The following CHD7 variants were observed in gnomAD, a reference collection of about 807,000 sequenced individuals.
CHD7 encodes the protein ATP-dependent chromatin remodeler CHD7.
Under a neutral mutation model 307.3 loss-of-function variants are expected in CHD7, and 24 were observed. The ratio of observed to expected loss-of-function variants is 0.08; its 90% CI spans 0.06 to 0.11. The LOEUF is 0.11. CHD7 is among the 10% of genes least tolerant of loss of function. The pLI is 1.00. For synonymous variants in CHD7, 1,363 were observed against 1,349.9 expected (o/e 1.01, Z -0.21); for missense variants, 3,106 against 3,727.1 (o/e 0.83, Z 4.34).
At chr8:60,794,229 C>T (rs978485719) in intron 3 of CHD7, among the ~76,000 whole-genome samples, 7 of 152,066 alleles carry the variant, frequency 4.6e-5, no homozygotes, top group Admixed American at 1.3e-4. Flanking sequence ...AAATGTAAAA[C>T]ATTTTTTTCT....
At chr8:60,819,478 T>C (rs1803917962) in intron 8 of CHD7, among the ~76,000 whole-genome samples, 1 of 152,226 alleles carries the variant, frequency 6.6e-6, no homozygotes, top group African/African-American at 2.4e-5. Flanking sequence ...GAGGTACTAA[T>C]ATTGGTTGAC....
chr8:60,836,783 G>A (rs374038777), intron 16 of CHD7, 34 bp from the exon 17 acceptor site: 27 of 1,545,814 alleles, frequency 1.7e-5, no homozygotes, highest in Middle Eastern at 1.7e-4. Context: ...GTCGCTATGC[G>A]TCAGGCCTCC....
At chr8:60,840,621 G>GT (rs1473123074) in intron 19 of CHD7, among the ~76,000 whole-genome samples, 3 of 102,696 alleles carry the variant, frequency 2.9e-5, no homozygotes. Flanking sequence ...TAAAGAATAT[G>GT]TTTCTTTTTT....
rs1431078923 is a variant in CHD7 at position 60,845,260 on chromosome 8, T to C, written c.5061T>C (p.Ala1687=). 1 of 1,611,106 alleles carries C rather than the reference T, an allele frequency of 6.2e-7. No homozygotes were observed. The highest frequency in any genetic ancestry group is 8.5e-7 in the Non-Finnish European group (1 of 1,177,826). The change falls in exon 23 of 38, where the codon GCT becomes GCC. Residue 1687 remains alanine, a synonymous_variant. Transcript: ENST00000423902. ...RALVNHSGLS[A]PVPRGRKGKK... is the part of the protein sequence containing the mutation. The stretch of plus-strand genomic sequence containing the variant: ...TGATGGTGATTCTAGGTTTGTCAGC[T>C]CCTGTGCCAAGGGGAAGGAAGGGAA...
chr8:60,857,097 T>G (rs574261386), intron 34 of CHD7, among the ~76,000 whole-genome samples: 1 of 152,372 alleles, frequency 6.6e-6, no homozygotes, highest in Admixed American at 6.5e-5. Context: ...TGAGGATGTA[T>G]TCTTCCCAAG....
chr8:60,779,822 C>T (rs1183287621), intron 2 of CHD7, among the ~76,000 whole-genome samples: 1 of 152,180 alleles, frequency 6.6e-6, no homozygotes, highest in Non-Finnish European at 1.5e-5. Context: ...TGTCACTTAA[C>T]ATCTGTACCT....
intron 2 of CHD7, among the ~76,000 whole-genome samples, chr8:60,748,331 T>C (rs570024632): frequency 5.3e-5 from 8 of 152,194 alleles, no homozygotes; most frequent in African/African-American, 1.9e-4. Flanking sequence ...AGTGCAAAGA[T>C]CAGAAAGCCC....
chr8:60,785,467 C>T (rs1811448196), intron 3 of CHD7, among the ~76,000 whole-genome samples: 1 of 152,076 alleles, frequency 6.6e-6, no homozygotes, highest in Non-Finnish European at 1.5e-5. Flanking sequence ...TGTGAGGGTG[C>T]TTTTTGCAAA....
intron 13 of CHD7, 139 bp downstream of exon 13, chr8:60,824,155 C>G (rs1050363612): frequency 6.6e-6 from 5 of 759,040 alleles, no homozygotes; most frequent in African/African-American, 5.2e-5. Context: ...CTGGCACTTT[C>G]AGTTATTCAA....
At chr8:60,820,141 A>C (rs1803962027) in intron 9 of CHD7, 51 bp downstream of exon 9, 3 of 1,183,070 alleles carry the variant, frequency 2.5e-6, no homozygotes, top group Non-Finnish European at 3.7e-6. Context: ...CAACCCATAC[A>C]TGTTTATAGA....
intron 2 of CHD7, among the ~76,000 whole-genome samples, chr8:60,759,460 C>CCTCCCTCTCTCCCTCTCTCCCTCT (rs751141062): frequency 6.9e-6 from 1 of 143,954 alleles, no homozygotes; most frequent in Non-Finnish European, 1.5e-5. Context: ...TCTCTCTCTC[C>CCTCCCTCTCTCCCTCTCTCCCTCT]CTCCCTCTCT....
chr8:60,841,864 T>C lies in CHD7; in HGVS notation c.4662T>C (p.Asp1554=), dbSNP rs756574015. Residue 1554 remains aspartate, a synonymous_variant, in exon 21 of 38, where the codon GAT becomes GAC. Transcript: ENST00000423902. ...ATTATTAGAACAACCTGGTTATTGA[T>C]ACTCCAAGAGTGAGAAAGCAGACCA... The part of the protein sequence containing the change: ...ALNGRNNLVI[D]TPRVRKQTRL... 6 of 1,607,916 alleles carry C rather than the reference T, an allele frequency of 3.7e-6. No homozygotes were observed. The highest frequency in any genetic ancestry group is 3.4e-6 in the Non-Finnish European group (4 of 1,176,726).
intron 1 of CHD7, among the ~76,000 whole-genome samples, chr8:60,699,680 A>C (rs1806660421): frequency 6.6e-6 from 1 of 152,058 alleles, no homozygotes; most frequent in Non-Finnish European, 1.5e-5. Flanking sequence ...TATAATAAAT[A>C]GGGCAAGACC....
chr8:60,862,257 G>A lies in CHD7; in HGVS notation c.7892G>A (p.Arg2631Gln), dbSNP rs1327851196. The A allele has an allele frequency of 5.0e-6, 8 of 1,611,496 alleles. No individual in the cohort carries two copies. In the Admixed American group the frequency reaches 5.0e-5, roughly 10 times the overall value. The change falls in exon 36 of 38, where the codon CGA becomes CAA. Residue 2631 changes from arginine (R) to glutamine (Q), a missense_variant. Physicochemically the swap from Arg to Gln is conservative, Grantham distance 43. This residue lies in a region of CHD7 where 59 missense variants were observed against 106.2 expected (regional missense o/e 0.56). Coordinates refer to ENST00000423902, the MANE Select transcript of CHD7 (RefSeq NM_017780.4). ...CCGAAACAGAAACGACATAGATGTC[G>A]AAACCCTAATAAATTGGATATAAAC... ...QKPKQKRHRC[R>Q]NPNKLDINTL... is the part of the protein sequence containing the mutation.
chr8:60,770,526 A>G (rs1173185201), intron 2 of CHD7, among the ~76,000 whole-genome samples: 1 of 152,258 alleles, frequency 6.6e-6, no homozygotes, highest in Non-Finnish European at 1.5e-5. Flanking sequence ...TCATGGGGAC[A>G]CAGTCCCCTC....
intron 7 of CHD7, among the ~76,000 whole-genome samples, chr8:60,813,105 T>A (rs1217497113): frequency 6.6e-6 from 1 of 152,224 alleles, no homozygotes; most frequent in Non-Finnish European, 1.5e-5. Context: ...TATTTTCTTA[T>A]ACAAATTGTA....
chr8:60,760,870 G>A (rs1370834464), intron 2 of CHD7, among the ~76,000 whole-genome samples: 2 of 152,186 alleles, frequency 1.3e-5, no homozygotes, highest in South Asian at 2.1e-4. Flanking sequence ...TGGAGAAATA[G>A]GAACACTTTT....
chr8:60,768,753 G>T (rs1394043012), intron 2 of CHD7, among the ~76,000 whole-genome samples: 3 of 151,962 alleles, frequency 2.0e-5, no homozygotes, highest in Admixed American at 2.0e-4. Flanking sequence ...GTCAGTACTG[G>T]ACTAGATATC....
At chr8:60,859,266 A>ATG (rs577997098) in intron 34 of CHD7, among the ~76,000 whole-genome samples, 1 of 152,224 alleles carries the variant, frequency 6.6e-6, no homozygotes, top group Non-Finnish European at 1.5e-5. Flanking sequence ...GTAGGAAAAG[A>ATG]TGTAAAGGCC....
Sources: gnomAD v4.1 joint callset for allele counts (sites outside exome capture counted in the v4.1 genomes callset) on GRCh38, gnomAD v4.1.1 for gene constraint, gnomAD v4.1.1 regional missense constraint, MANE v1.5 for transcripts, NCBI Gene and HGNC (gene_info 2026-07-23, HGNC 2026-07-21) for gene names.